The following MACROD2 variants were observed in gnomAD, a reference collection of about 807,000 sequenced individuals.
MACROD2 encodes the protein mono-ADP ribosylhydrolase 2.
A neutral mutation model predicts 70.4 loss-of-function variants in MACROD2; 36 were observed. The observed-to-expected ratio is 0.51, with a 90% confidence interval of 0.39 to 0.68. The LOEUF (loss-of-function observed/expected upper bound fraction) is 0.68. MACROD2 is among the 30% of genes least tolerant of loss of function. MACROD2 has a pLI of 0.00. For missense variants in MACROD2, 496 were observed against 538.4 expected, an observed-to-expected ratio of 0.92 and a Z score of 0.78; for synonymous variants, 172 against 178.8, an observed-to-expected ratio of 0.96 and a Z score of 0.30.
chr20:15,721,546 A>G (rs1027128271), intron 8 of MACROD2, among the ~76,000 whole-genome samples: 1 of 152,208 alleles, frequency 6.6e-6, no homozygotes, highest in African/African-American at 2.4e-5. Flanking sequence ...ACGTGTCCAC[A>G]ATATAAAGAT....
intron 6 of MACROD2, among the ~76,000 whole-genome samples, chr20:15,251,992 A>T (rs1053627424): frequency 6.6e-6 from 1 of 152,190 alleles, no homozygotes; most frequent in Non-Finnish European, 1.5e-5. Context: ...GGGAACATAA[A>T]TGGTATCTGT....
chr20:16,038,622 C>T (rs2067266759), intron 15 of MACROD2, among the ~76,000 whole-genome samples: 2 of 151,354 alleles, frequency 1.3e-5, no homozygotes, highest in East Asian at 2.0e-4. Context: ...AATTATTCAA[C>T]TTGGCATCCA....
chr20:14,676,736 T>C (rs1327095627), intron 4 of MACROD2, among the ~76,000 whole-genome samples: 1 of 151,994 alleles, frequency 6.6e-6, no homozygotes, highest in Admixed American at 6.6e-5. Flanking sequence ...CTGAAGGAGA[T>C]AGAGTCATGA....
At chr20:15,880,838 G>A (rs1281780528) in intron 9 of MACROD2, among the ~76,000 whole-genome samples, 2 of 151,962 alleles carry the variant, frequency 1.3e-5, no homozygotes, top group Non-Finnish European at 2.9e-5. Flanking sequence ...TTATAGGCAG[G>A]ACATCCACAT....
intron 3 of MACROD2, among the ~76,000 whole-genome samples, chr20:14,408,735 C>T (rs1447980558): frequency 6.6e-6 from 1 of 152,134 alleles, no homozygotes; most frequent in African/African-American, 2.4e-5. Flanking sequence ...AGTTGAATAA[C>T]ATCTTACTCT....
Position 14,941,638 on chromosome 20 carries a change from C to T in MACROD2, c.418+256679C>T, listed in dbSNP as rs114229659. ...CTCATATTTTAGTTCTAGGGTATTGCTGGTAAAAAACTAGGTGCTATATAT... is the reference window on the plus strand; with the variant it reads ...CTCATATTTTAGTTCTAGGGTATTGTTGGTAAAAAACTAGGTGCTATATAT... On this transcript the variant is annotated intron_variant, in intron 5 of 17. Coordinates refer to ENST00000684519, the MANE Select transcript of MACROD2 (RefSeq NM_001351661.2). Among the ~76,000 whole-genome samples, 1,080 of 152,194 alleles carry T rather than the reference C, an allele frequency of 7.1e-3. 13 individuals carry two copies. The highest frequency in any genetic ancestry group is 0.024 in the African/African-American group (1,005 of 41,530).
rs1342518741 is a variant in MACROD2, at chr20:14,304,496, A to ACTC, written c.272-188981_272-188979dup. 2.6e-5 allele frequency among the ~76,000 whole-genome samples: 4 copies of ACTC among 151,972 alleles called. No homozygotes were observed. The East Asian group carries it at 5.8e-4, about 22-fold the overall frequency. On this transcript the variant is annotated intron_variant, in intron 3 of 17. Coordinates refer to ENST00000684519, the MANE Select transcript of MACROD2 (RefSeq NM_001351661.2). ...TCAGACTGAAATTGTGGTTGACTAA[A>ACTC]CTCCCCCACGCTCATTTTCTTTGGT...
At chr20:15,291,155 T>G (rs1250822252) in intron 6 of MACROD2, among the ~76,000 whole-genome samples, 1 of 152,172 alleles carries the variant, frequency 6.6e-6, no homozygotes, top group African/African-American at 2.4e-5. Flanking sequence ...CAGCTAGCCT[T>G]TTCACTTCCA....
At chr20:15,561,423 A>G (rs1182648520) in intron 8 of MACROD2, among the ~76,000 whole-genome samples, 2 of 152,134 alleles carry the variant, frequency 1.3e-5, no homozygotes, top group Non-Finnish European at 2.9e-5. Context: ...TAAGTTTCAC[A>G]TTTTGGGCTG....
At chr20:15,826,555 C>G (rs1485266223) in intron 8 of MACROD2, among the ~76,000 whole-genome samples, 1 of 152,166 alleles carries the variant, frequency 6.6e-6, no homozygotes, top group Non-Finnish European at 1.5e-5. Flanking sequence ...TACCTTGAAA[C>G]ATTATTGCTA....
chr20:15,564,511 C>T (rs2048286431), intron 8 of MACROD2, among the ~76,000 whole-genome samples: 1 of 152,102 alleles, frequency 6.6e-6, no homozygotes, highest in African/African-American at 2.4e-5. Context: ...TTACTTATAG[C>T]ACATTTCGCA....
At chr20:15,495,354 A>C (rs978723304) in intron 7 of MACROD2, among the ~76,000 whole-genome samples, 1 of 152,304 alleles carries the variant, frequency 6.6e-6, no homozygotes, top group South Asian at 2.1e-4. Flanking sequence ...GAAAGCAGGC[A>C]TATTATCAGG....
chr20:14,902,256 C>T (rs1254371755), intron 5 of MACROD2, among the ~76,000 whole-genome samples: 4 of 152,090 alleles, frequency 2.6e-5, no homozygotes, highest in East Asian at 3.9e-4. Context: ...TCAAAATTCG[C>T]GGTGAAGGGT....
intron 6 of MACROD2, among the ~76,000 whole-genome samples, chr20:15,332,768 C>G (rs543537435): frequency 6.6e-6 from 1 of 151,808 alleles, no homozygotes; most frequent in South Asian, 2.1e-4. Flanking sequence ...AGCCATCCCT[C>G]CATGACCTTT....
chr20:15,747,552 G>A (rs2051202664), intron 8 of MACROD2, among the ~76,000 whole-genome samples: 2 of 152,198 alleles, frequency 1.3e-5, no homozygotes, highest in South Asian at 4.2e-4. Context: ...AAATAGTATT[G>A]TTATGTTTAT....
At chr20:15,671,542 T>C (rs1041597327) in intron 8 of MACROD2, among the ~76,000 whole-genome samples, 3 of 152,242 alleles carry the variant, frequency 2.0e-5, no homozygotes, top group Non-Finnish European at 4.4e-5. Context: ...CTATGCATTA[T>C]GTTCATAGAA....
At chr20:14,132,556 T>G (rs1569172608) in intron 3 of MACROD2, among the ~76,000 whole-genome samples, 1 of 152,242 alleles carries the variant, frequency 6.6e-6, no homozygotes, top group African/African-American at 2.4e-5. Flanking sequence ...TGATTAATGT[T>G]CTTTGCAGAG....
chr20:14,703,158 G>T (rs1429769114), intron 5 of MACROD2, among the ~76,000 whole-genome samples: 2 of 152,002 alleles, frequency 1.3e-5, no homozygotes, highest in Non-Finnish European at 2.9e-5. Flanking sequence ...GTGATTAGTT[G>T]TTTCCAATAT....
chr20:15,238,852 C>A (rs2146000314), intron 6 of MACROD2, among the ~76,000 whole-genome samples: 1 of 152,252 alleles, frequency 6.6e-6, no homozygotes, highest in Admixed American at 6.5e-5. Context: ...TCAGGAAAAT[C>A]ATTATTGGTT....
Sources: gnomAD v4.1 joint callset for allele counts (sites outside exome capture counted in the v4.1 genomes callset) on GRCh38, gnomAD v4.1.1 for gene constraint, MANE v1.5 for transcripts, NCBI Gene and HGNC (gene_info 2026-07-23, HGNC 2026-07-21) for gene names.